The following HMCN1 variants were observed in gnomAD, a reference collection of about 807,000 sequenced individuals.
HMCN1 encodes hemicentin-1.
HMCN1 carries 321 observed loss-of-function variants against 625.9 expected under a neutral mutation model. The observed-to-expected ratio is 0.51, with a 90% CI of 0.47 to 0.56. The LOEUF is 0.56. Among genes scored for constraint, HMCN1 ranks in the 20% least tolerant of loss-of-function variants. The pLI is 0.00. For missense variants in HMCN1, 6,588 were observed against 6,887.3 expected, an observed-to-expected ratio of 0.96 and a Z score of 1.54; for synonymous variants, 2,425 against 2,417.6, an observed-to-expected ratio of 1.00 and a Z score of -0.09.
At chr1:185,746,430 A>G (rs951878286) in intron 1 of HMCN1, among the ~76,000 whole-genome samples, 4 of 152,156 alleles carry the variant, frequency 2.6e-5, no homozygotes, top group African/African-American at 9.6e-5. Flanking sequence ...CAAAATCAAG[A>G]TGTTGGTAGG....
At chr1:185,822,289 G>A (rs933192036) in intron 1 of HMCN1, among the ~76,000 whole-genome samples, 3 of 151,972 alleles carry the variant, frequency 2.0e-5, no homozygotes, top group Non-Finnish European at 4.4e-5. Context: ...AATGGCGGAG[G>A]TTGTGGGGCG....
chr1:185,951,338 C>G (rs1571606933), intron 11 of HMCN1, among the ~76,000 whole-genome samples: 4 of 151,712 alleles, frequency 2.6e-5, no homozygotes, highest in African/African-American at 9.7e-5. Context: ...TAAGTTGGCA[C>G]CACAGCTGGG....
chr1:185,832,168 T>A lies in HMCN1; in HGVS notation c.269-13858T>A, dbSNP rs1467685178. ...AAAATTAGCTGGGCGTGGTGGCGCA[T>A]GCTTGTATTCCCAGCTACTTGGGGA... On this transcript the variant is annotated intron_variant, in intron 1 of 106. Transcript: ENST00000271588. Among the ~76,000 whole-genome samples the A allele has an allele frequency of 2.0e-5, 3 of 152,006 alleles. No homozygotes were observed. In the East Asian group the frequency reaches 5.8e-4, roughly 29 times the overall value.
intron 15 of HMCN1, among the ~76,000 whole-genome samples, chr1:185,975,649 A>C (rs1032835473): frequency 6.6e-6 from 1 of 152,170 alleles, no homozygotes; most frequent in Non-Finnish European, 1.5e-5. Context: ...CTATGTTTAA[A>C]TATGTTTAAA....
chr1:185,742,420 AC>A (rs1478417328), intron 1 of HMCN1, among the ~76,000 whole-genome samples: 1 of 141,584 alleles, frequency 7.1e-6, no homozygotes, highest in African/African-American at 2.6e-5. Context: ...TTCCTCCAGG[AC>A]TTTTTTTTTA....
chr1:185,857,996 A>G (rs17448230), intron 2 of HMCN1, among the ~76,000 whole-genome samples: 43,146 of 152,132 alleles, frequency 0.28, 6,472 homozygotes, highest in African/African-American at 0.33. Context: ...GTTCAAGAAG[A>G]TAATAAAATG....
intron 36 of HMCN1, 36 bp from the exon 37 acceptor site, chr1:186,037,898 T>C (rs1269301058): frequency 8.4e-7 from 1 of 1,184,536 alleles, no homozygotes; most frequent in Non-Finnish European, 1.3e-6. Flanking sequence ...AATATTCTAC[T>C]TATAAGAAAT....
intron 1 of HMCN1, among the ~76,000 whole-genome samples, chr1:185,795,931 G>A (rs564694967): frequency 1.5e-4 from 23 of 152,300 alleles, no homozygotes; most frequent in African/African-American, 5.5e-4. Flanking sequence ...GCCTGCTATA[G>A]CTATGCTACC....
intron 2 of HMCN1, among the ~76,000 whole-genome samples, chr1:185,859,862 CAG>C (rs917165924): frequency 1.3e-5 from 2 of 151,768 alleles, no homozygotes; most frequent in African/African-American, 4.8e-5. Flanking sequence ...TTAGTAGAGA[CAG>C]GGCACCATGT....
At position 185,893,207 on chromosome 1, in the gene HMCN1, G is replaced by C. The variant is rs544772114; in HGVS notation, c.622-16130G>C. On this transcript the variant is annotated intron_variant, in intron 4 of 106. Coordinates refer to ENST00000271588, the MANE Select transcript of HMCN1 (RefSeq NM_031935.3). ...CTGCACCCAGTGACCTGTGCCCACT[G>C]TCTGGCACTCCCTAGTGAGATGAAC... is the stretch of plus-strand genomic sequence containing the variant. Among the ~76,000 whole-genome samples, 37 of 152,310 alleles carry C rather than the reference G, an allele frequency of 2.4e-4. No homozygotes were observed. The South Asian group carries it at 7.3e-3, about 30-fold the overall frequency.
At chr1:186,091,735 A>G (rs1285244699) in intron 64 of HMCN1, among the ~76,000 whole-genome samples, 1 of 152,092 alleles carries the variant, frequency 6.6e-6, no homozygotes, top group Non-Finnish European at 1.5e-5. Flanking sequence ...GATTAATTAT[A>G]TGCATAAGTG....
chr1:185,926,875 G>A (rs1004341806), intron 9 of HMCN1, among the ~76,000 whole-genome samples: 12 of 152,104 alleles, frequency 7.9e-5, no homozygotes, highest in African/African-American at 1.9e-4. Context: ...GTTCTTTTCC[G>A]TATTCCAAAG....
intron 22 of HMCN1, among the ~76,000 whole-genome samples, chr1:185,992,319 T>G (rs531001019): frequency 6.6e-6 from 1 of 152,318 alleles, no homozygotes; most frequent in South Asian, 2.1e-4. Flanking sequence ...ACTTTTTGTA[T>G]CTTAACATGA....
At chr1:186,009,631 C>A (rs1241845560) in intron 30 of HMCN1, among the ~76,000 whole-genome samples, 1 of 151,774 alleles carries the variant, frequency 6.6e-6, no homozygotes, top group African/African-American at 2.4e-5. Flanking sequence ...TGGGTTGATA[C>A]ACTTAAAAGG....
chr1:185,879,934 A>G (rs1368775221), intron 4 of HMCN1, among the ~76,000 whole-genome samples: 1 of 152,162 alleles, frequency 6.6e-6, no homozygotes, highest in Non-Finnish European at 1.5e-5. Flanking sequence ...CAAAATCTTC[A>G]ATAAATGAGG....
chr1:186,157,370 G>A (rs1311846316), intron 97 of HMCN1, among the ~76,000 whole-genome samples: 1 of 152,032 alleles, frequency 6.6e-6, no homozygotes, highest in African/African-American at 2.4e-5. Flanking sequence ...TCAATAAAAG[G>A]AAAATAACTC....
chr1:186,117,519 T>G lies in HMCN1; in HGVS notation c.11744T>G (p.Val3915Gly). The change falls in exon 77 of 107, where the codon GTA (valine) becomes GGA (glycine). Residue 3915 changes from valine (V) to glycine (G), a missense_variant. This residue lies in a region of HMCN1 where 4,628 missense variants were observed against 4,853.1 expected (regional missense o/e 0.95). Transcript: ENST00000271588. ...CTAGTAACCAAACATGCCCCAGCAGTAATTACCTGCACTGCTTCGGGAGTT... is the reference window on the plus strand; with the variant it reads ...CTAGTAACCAAACATGCCCCAGCAGGAATTACCTGCACTGCTTCGGGAGTT... ...DFLVTKHAPA[V>G]ITCTASGVPF... 2 of 1,613,938 alleles carry G rather than the reference T, an allele frequency of 1.2e-6. No individual in the cohort carries two copies. The highest frequency in any genetic ancestry group is 1.7e-6 in the Non-Finnish European group (2 of 1,179,844).
chr1:186,141,738 A>T (rs1481796735), intron 89 of HMCN1, among the ~76,000 whole-genome samples: 2 of 152,176 alleles, frequency 1.3e-5, no homozygotes, highest in African/African-American at 4.8e-5. Flanking sequence ...ATTACTGCTC[A>T]CCTCAACTCT....
At chr1:186,008,383 T>C (rs1256212275) in intron 30 of HMCN1, among the ~76,000 whole-genome samples, 1 of 152,174 alleles carries the variant, frequency 6.6e-6, no homozygotes, top group East Asian at 1.9e-4. Context: ...AAATGTAATA[T>C]ATCTAATAAT....
Sources: gnomAD v4.1 joint callset for allele counts (sites outside exome capture counted in the v4.1 genomes callset) on GRCh38, gnomAD v4.1.1 for gene constraint, gnomAD v4.1.1 regional missense constraint, MANE v1.5 for transcripts, NCBI Gene and HGNC (gene_info 2026-07-23, HGNC 2026-07-21) for gene names.